Variants in SHROOM3 observed in about 807,000 individuals in gnomAD.
SHROOM3 encodes shroom family member 3.
SHROOM3 carries 47 observed loss-of-function variants against 138.6 expected under a neutral mutation model. The observed-to-expected ratio is 0.34, with a 90% CI of 0.27 to 0.43. The LOEUF (loss-of-function observed/expected upper bound fraction) is 0.43. Among genes scored for constraint, SHROOM3 ranks in the 20% least tolerant of loss-of-function variants. The pLI, the probability that SHROOM3 is intolerant of heterozygous loss-of-function variation, is 1.00. For missense variants in SHROOM3, 2,491 were observed against 2,596.5 expected (o/e 0.96, Z 0.88); for synonymous variants, 1,062 against 1,063.3 (o/e 1.00, Z 0.02).
At chr4:76,735,504 T>C (rs1262407485) in intron 4 of SHROOM3, among the ~76,000 whole-genome samples, 5 of 152,164 alleles carry the variant, frequency 3.3e-5, no homozygotes, top group Admixed American at 3.3e-4. Context: ...ATTAGAGATA[T>C]GTGTAACAGG....
intron 1 of SHROOM3, among the ~76,000 whole-genome samples, chr4:76,499,129 T>C (rs1032538655): frequency 1.3e-5 from 2 of 152,150 alleles, no homozygotes; most frequent in African/African-American, 4.8e-5. Context: ...AACTCGGAGG[T>C]ACCTGTTCAC....
rs201142744 is a variant in SHROOM3 at position 76,739,366 on chromosome 4, G to A, written c.1193G>A (p.Arg398His). The change falls in exon 5 of 11, where the codon CGT becomes CAT. Residue 398 changes from arginine (R) to histidine (H), a missense_variant. Physicochemically the swap from Arg to His is conservative, Grantham distance 29. Transcript: ENST00000296043. Reference protein sequence around the residue: ...RSDSYAAFRHRERPSSWSSLD... With the variant: ...RSDSYAAFRHHERPSSWSSLD... ...GACAGTTACGCAGCATTTCGGCACC[G>A]TGAGCGGCCCAGCTCCTGGTCTAGC... 4.0e-5 allele frequency: 64 copies of A among 1,614,006 alleles called. No individual in the cohort carries two copies. Among genetic ancestry groups the A allele is most frequent in the South Asian group, 9.9e-5 (9 of 91,092 alleles).
At chr4:76,753,129 A>G (rs1410495331) in intron 6 of SHROOM3, among the ~76,000 whole-genome samples, 1 of 152,206 alleles carries the variant, frequency 6.6e-6, no homozygotes, top group Non-Finnish European at 1.5e-5. Flanking sequence ...CAGAGTGGCT[A>G]CACTTCTCTA....
chr4:76,614,460 G>A (rs1734830837), intron 2 of SHROOM3, among the ~76,000 whole-genome samples: 2 of 152,014 alleles, frequency 1.3e-5, no homozygotes, highest in Non-Finnish European at 1.5e-5. Context: ...ACTCTAATAG[G>A]TTATTTTTAT....
intron 1 of SHROOM3, among the ~76,000 whole-genome samples, chr4:76,500,037 T>C (rs1486907302): frequency 6.6e-6 from 1 of 152,204 alleles, no homozygotes; most frequent in Non-Finnish European, 1.5e-5. Flanking sequence ...AGGTTAAATG[T>C]GTTGCCTAAA....
At chr4:76,515,385 G>GA (rs891342379) in intron 1 of SHROOM3, among the ~76,000 whole-genome samples, 30 of 145,334 alleles carry the variant, frequency 2.1e-4, no homozygotes, top group Non-Finnish European at 3.3e-4. Context: ...GAACTTGTCT[G>GA]AAAAAAAAAA....
Position 76,721,428 on chromosome 4 carries a change from T to A in SHROOM3, c.456-9376T>A, listed in dbSNP as rs533656532. Among the ~76,000 whole-genome samples, 6 of 152,304 alleles carry A rather than the reference T, an allele frequency of 3.9e-5. No homozygotes were observed. The South Asian group carries it at 1.2e-3, about 32-fold the overall frequency. On this transcript the variant is annotated intron_variant, in intron 3 of 10. Transcript: ENST00000296043. ...AAAAGACTAGACATGAAAAAGTGTC[T>A]ACAAAAGGGGTCTGGTTAAACAAAT...
At chr4:76,500,692 T>C (rs1054092516) in intron 1 of SHROOM3, among the ~76,000 whole-genome samples, 5 of 152,182 alleles carry the variant, frequency 3.3e-5, no homozygotes, top group Non-Finnish European at 5.9e-5. Flanking sequence ...TCAGTTTTCA[T>C]TTCTCTGAGA....
At chr4:76,726,190 T>C (rs1447045062) in intron 3 of SHROOM3, among the ~76,000 whole-genome samples, 1 of 151,996 alleles carries the variant, frequency 6.6e-6, no homozygotes, top group Non-Finnish European at 1.5e-5. Context: ...CTCCTCACTC[T>C]CCCCACTAGA....
At chr4:76,775,830 CACAT>C (rs1359109240) in intron 10 of SHROOM3, among the ~76,000 whole-genome samples, 4 of 151,508 alleles carry the variant, frequency 2.6e-5, no homozygotes, top group South Asian at 2.1e-4. Flanking sequence ...CACACACACA[CACAT>C]ACATATATAC....
chr4:76,648,234 G>C (rs892111944), intron 2 of SHROOM3, among the ~76,000 whole-genome samples: 12 of 152,110 alleles, frequency 7.9e-5, no homozygotes, highest in Non-Finnish European at 5.9e-5. Context: ...AGGCTGGGAT[G>C]GGAGGATTGC....
chr4:76,441,163 C>T (rs1328312048), intron 1 of SHROOM3, among the ~76,000 whole-genome samples: 1 of 145,100 alleles, frequency 6.9e-6, no homozygotes, highest in African/African-American at 2.6e-5. Context: ...GGCGCGATCT[C>T]GGCTCACTGC....
chr4:76,535,240 C>T (rs1732926875), intron 1 of SHROOM3, among the ~76,000 whole-genome samples: 1 of 152,166 alleles, frequency 6.6e-6, no homozygotes, highest in Middle Eastern at 3.4e-3. Context: ...CTGAAAATAC[C>T]AGTTTTTTAT....
chr4:76,471,724 G>A (rs1379812975), intron 1 of SHROOM3, among the ~76,000 whole-genome samples: 1 of 152,132 alleles, frequency 6.6e-6, no homozygotes, highest in Non-Finnish European at 1.5e-5. Flanking sequence ...AAAAAAATGG[G>A]TTACCTTAAA....
intron 1 of SHROOM3, among the ~76,000 whole-genome samples, chr4:76,510,598 T>TGGTCACCTGGCCTTGTCATA (rs1202150104): frequency 6.6e-6 from 1 of 152,210 alleles, no homozygotes; most frequent in African/African-American, 2.4e-5. Context: ...TCGTTGTCAT[T>TGGTCACCTGGCCTTGTCATA]GGTCACCTGG....
intron 2 of SHROOM3, among the ~76,000 whole-genome samples, chr4:76,620,091 A>AAAAAGAAG (rs749696462): frequency 7.4e-6 from 1 of 135,354 alleles, no homozygotes; most frequent in South Asian, 2.4e-4. Flanking sequence ...AAAAAAAAAA[A>AAAAAGAAG]AAGAAGAAAA....
intron 1 of SHROOM3, among the ~76,000 whole-genome samples, chr4:76,519,695 A>G (rs936461414): frequency 6.6e-6 from 1 of 152,216 alleles, no homozygotes; most frequent in African/African-American, 2.4e-5. Flanking sequence ...AGTCTTGACT[A>G]TATGTGATTT....
rs540393849 is a variant in SHROOM3 at position 76,668,056 on chromosome 4, T to C, written c.324-42100T>C. ...ACATAATGTCACGCCCCCTCTCCCT[T>C]GTCCACCGCTGCAGCCTCCTCCTGC... is the stretch of plus-strand genomic sequence containing the variant. On this transcript the variant is annotated intron_variant, in intron 2 of 10. Transcript: ENST00000296043. 8.0e-5 allele frequency among the ~76,000 whole-genome samples: 12 copies of C among 149,792 alleles called. No individual in the cohort carries two copies. In the Admixed American group the frequency reaches 8.0e-4, roughly 10 times the overall value.
At chr4:76,533,612 A>G (rs558663745) in intron 1 of SHROOM3, among the ~76,000 whole-genome samples, 1 of 152,334 alleles carries the variant, frequency 6.6e-6, no homozygotes, top group African/African-American at 2.4e-5. Flanking sequence ...AAAGCAGAGA[A>G]TGAACTTACA....
Sources: gnomAD v4.1 joint callset for allele counts (sites outside exome capture counted in the v4.1 genomes callset) on GRCh38, gnomAD v4.1.1 for gene constraint, MANE v1.5 for transcripts, NCBI Gene and HGNC (gene_info 2026-07-23, HGNC 2026-07-21) for gene names.